The following GPR176 variants were observed in gnomAD, a reference collection of about 807,000 sequenced individuals.
GPR176 encodes the protein G protein-coupled receptor 176.
In GPR176, 26 loss-of-function variants were observed where a neutral mutation model predicts 35.4. That is an observed-to-expected ratio of 0.74 (90% CI 0.54 to 1.02). The LOEUF is 1.02. Among genes scored for constraint, GPR176 ranks in the 50% least tolerant of loss-of-function variants. The probability of loss-of-function intolerance (pLI) is 0.00; values close to 1 mark genes in which losing one functional copy is unlikely to be tolerated. For synonymous variants in GPR176, 278 were observed against 271.3 expected, an observed-to-expected ratio of 1.02 and a Z score of -0.24; for missense variants, 597 against 665.3, an observed-to-expected ratio of 0.90 and a Z score of 1.13.
intron 1 of GPR176, among the ~76,000 whole-genome samples, chr15:39,913,469 C>T (rs572248107): frequency 9.2e-5 from 14 of 151,486 alleles, no homozygotes; most frequent in Admixed American, 4.6e-4. Flanking sequence ...CACTTGAGCC[C>T]GGGAAGTGGA....
At chr15:39,880,681 C>G (rs2032441166) in intron 1 of GPR176, among the ~76,000 whole-genome samples, 1 of 152,168 alleles carries the variant, frequency 6.6e-6, no homozygotes, top group Admixed American at 6.5e-5. Context: ...CCTCCACCCC[C>G]TCAGAAGCCC....
chr15:39,825,099 T>C (rs138096185), intron 1 of GPR176, among the ~76,000 whole-genome samples: 1,593 of 152,226 alleles, frequency 0.01, 11 homozygotes, highest in South Asian at 0.014. Flanking sequence ...CCCAGCTACT[T>C]GGGAGGCTGA....
intron 1 of GPR176, among the ~76,000 whole-genome samples, chr15:39,913,665 T>C (rs142688527): frequency 2.3e-3 from 345 of 152,268 alleles, no homozygotes; most frequent in African/African-American, 8.0e-3. Context: ...ATGGTTTCTT[T>C]AGGTTACATG....
At chr15:39,909,640 T>C (rs1290604692) in intron 1 of GPR176, among the ~76,000 whole-genome samples, 1 of 152,208 alleles carries the variant, frequency 6.6e-6, no homozygotes, top group East Asian at 1.9e-4. Flanking sequence ...ACTAAGGCCG[T>C]TCTATGTAGT....
intron 1 of GPR176, among the ~76,000 whole-genome samples, chr15:39,907,873 T>C (rs2033467774): frequency 6.6e-6 from 1 of 152,160 alleles, no homozygotes; most frequent in South Asian, 2.1e-4. Context: ...TAATCCCAGC[T>C]ACTCAGGAGG....
At chr15:39,818,319 A>G (rs1345973441) in intron 1 of GPR176, among the ~76,000 whole-genome samples, 1 of 152,270 alleles carries the variant, frequency 6.6e-6, no homozygotes, top group African/African-American at 2.4e-5. Flanking sequence ...TGATGCAGAA[A>G]GTTCAAACTA....
At position 39,919,928 on chromosome 15, in the gene GPR176, C is replaced by G; in HGVS notation, c.99G>C (p.Glu33Asp). Residue 33 changes from glutamate (E) to aspartate (D), a missense_variant, in exon 1 of 3, where the codon GAG (glutamate) becomes GAC (aspartate). By Grantham distance (45) the Glu-to-Asp change is conservative. This residue lies in a region of GPR176 where 126 missense variants were observed against 112.4 expected (regional missense o/e 1.12). Coordinates refer to ENST00000561100, the MANE Select transcript of GPR176 (RefSeq NM_007223.3). Reference protein sequence around the residue: ...AAGVNRSALGEFGEAQLYRQF... With the variant: ...AAGVNRSALGDFGEAQLYRQF... ...GGCGGTACAGCTGCGCCTCGCCGAA[C>G]TCCCCGAGCGCGCTGCGGTTCACAC... The G allele has an allele frequency of 1.3e-6, 2 of 1,524,788 alleles. No homozygotes were observed. The highest frequency in any genetic ancestry group is 1.8e-6 in the Non-Finnish European group (2 of 1,139,946). The allele number at this position is 1,524,788 out of a possible 1,614,324, so 94.5% of individuals were successfully genotyped here. A position where few individuals can be genotyped will look rare whatever the true frequency, so the allele number is the denominator to read the frequency against.
intron 1 of GPR176, among the ~76,000 whole-genome samples, chr15:39,816,304 G>A (rs1242002487): frequency 6.6e-6 from 1 of 151,844 alleles, no homozygotes; most frequent in African/African-American, 2.4e-5. Flanking sequence ...ATAAAAATAC[G>A]AGATAATGCA....
At chr15:39,905,197 A>G (rs1402652039) in intron 1 of GPR176, among the ~76,000 whole-genome samples, 1 of 152,224 alleles carries the variant, frequency 6.6e-6, no homozygotes, top group Non-Finnish European at 1.5e-5. Context: ...TTTATTTTAA[A>G]TCAAGGTTGG....
At chr15:39,851,983 G>A (rs1379271635) in intron 1 of GPR176, among the ~76,000 whole-genome samples, 3 of 152,064 alleles carry the variant, frequency 2.0e-5, no homozygotes, top group Non-Finnish European at 4.4e-5. Context: ...TTGTGCCCCA[G>A]GAGTATCATA....
At chr15:39,909,435 T>C (rs2033517947) in intron 1 of GPR176, among the ~76,000 whole-genome samples, 1 of 152,236 alleles carries the variant, frequency 6.6e-6, no homozygotes, top group South Asian at 2.1e-4. Flanking sequence ...TCATAAATTC[T>C]AAAAGCAACA....
intron 1 of GPR176, among the ~76,000 whole-genome samples, chr15:39,819,759 T>A (rs1274064088): frequency 1.3e-5 from 2 of 152,178 alleles, no homozygotes; most frequent in Non-Finnish European, 2.9e-5. Context: ...GGAAAAAATA[T>A]GTTGGAAATA....
chr15:39,851,338 T>C (rs1023426949), intron 1 of GPR176, among the ~76,000 whole-genome samples: 1 of 152,154 alleles, frequency 6.6e-6, no homozygotes, highest in African/African-American at 2.4e-5. Flanking sequence ...AAGAAAGTAC[T>C]GCTGAGTCAC....
At chr15:39,864,456 C>T (rs1228341173) in intron 1 of GPR176, among the ~76,000 whole-genome samples, 1 of 137,880 alleles carries the variant, frequency 7.3e-6, no homozygotes, top group Non-Finnish European at 1.7e-5. Context: ...AAGAATGAAA[C>T]TGGACCCCTG....
Position 39,801,615 on chromosome 15 carries a change from AGCC to A in GPR176, c.1062_1064del (p.Met354_Ala355delinsIle). On this transcript the variant is annotated inframe_deletion, in exon 3 of 3. Transcript: ENST00000561100. ...GTATGCTGGGTTCCAGGCTGGCCTCAGCCATGCCACTCCCTGTACTGACCACAT... is the reference window on the plus strand; with the variant it reads ...GTATGCTGGGTTCCAGGCTGGCCTCAATGCCACTCCCTGTACTGACCACAT... 5 of 1,614,108 alleles carry A rather than the reference AGCC, an allele frequency of 3.1e-6. No individual in the cohort carries two copies. The highest frequency in any genetic ancestry group is 4.2e-6 in the Non-Finnish European group (5 of 1,179,968).
At chr15:39,887,600 A>T (rs1407284858) in intron 1 of GPR176, among the ~76,000 whole-genome samples, 1 of 662 alleles carries the variant, frequency 1.5e-3, no homozygotes, top group Non-Finnish European at 0.028. Flanking sequence ...ATTTAAATTT[A>T]AAAAAAAAAA....
At chr15:39,878,096 C>CTCTGTGTGTG (rs1555408568) in intron 1 of GPR176, among the ~76,000 whole-genome samples, 3 of 129,934 alleles carry the variant, frequency 2.3e-5, no homozygotes, top group Non-Finnish European at 5.0e-5. Flanking sequence ...CCATAGTTAC[C>CTCTGTGTGTG]TGTGTGTGTG....
chr15:39,820,815 TG>T (rs1228927386), intron 1 of GPR176, among the ~76,000 whole-genome samples: 40 of 152,212 alleles, frequency 2.6e-4, no homozygotes, highest in African/African-American at 8.7e-4. Flanking sequence ...ATGGAGAGAG[TG>T]GAAGAGAAGA....
chr15:39,896,707 A>T (rs905393693), intron 1 of GPR176, among the ~76,000 whole-genome samples: 4 of 152,188 alleles, frequency 2.6e-5, no homozygotes, highest in Non-Finnish European at 5.9e-5. Flanking sequence ...CCTTTGATCC[A>T]CTACCCCACA....
Sources: allele counts gnomAD v4.1 joint callset (sites outside exome capture counted in the v4.1 genomes callset), GRCh38; gene constraint gnomAD v4.1.1; regional missense constraint gnomAD v4.1.1; transcripts MANE v1.5; gene names NCBI Gene and HGNC (gene_info 2026-07-23, HGNC 2026-07-21).